Variants in PLXNA2 observed in about 807,000 individuals in gnomAD.
The protein encoded by PLXNA2 is plexin A2.
In PLXNA2, 91 loss-of-function variants were observed where a neutral mutation model predicts 193.5. The observed-to-expected ratio is 0.47, with a 90% CI of 0.40 to 0.56. The LOEUF is 0.56. Among genes scored for constraint, PLXNA2 ranks in the 20% least tolerant of loss-of-function variants. The pLI is 0.00. For synonymous variants in PLXNA2, 997 were observed against 1,027.3 expected (o/e 0.97, Z 0.56); for missense variants, 1,995 against 2,503.2 (o/e 0.80, Z 4.33).
intron 12 of PLXNA2, among the ~76,000 whole-genome samples, chr1:208,075,473 TTCA>T (rs1034664614): frequency 6.6e-6 from 1 of 152,202 alleles, no homozygotes; most frequent in Non-Finnish European, 1.5e-5. Flanking sequence ...TTTGTTTACT[TTCA>T]TCAATTGGTT....
intron 4 of PLXNA2, among the ~76,000 whole-genome samples, chr1:208,123,640 A>G (rs1667874523): frequency 6.6e-6 from 1 of 152,234 alleles, no homozygotes; most frequent in African/African-American, 2.4e-5. Flanking sequence ...CTCCAAAGTG[A>G]CAATTCCCAG....
chr1:208,040,008 A>T lies in PLXNA2; in HGVS notation c.4337T>A (p.Leu1446Gln). The T allele has an allele frequency of 2.5e-6, 4 of 1,614,132 alleles. No homozygotes were observed. Among genetic ancestry groups the T allele is most frequent in the Non-Finnish European group, 3.4e-6 (4 of 1,179,986 alleles). Residue 1446 changes from leucine to glutamine, a missense_variant, in exon 23 of 32, where the codon CTG becomes CAG. Leu to Gln is a moderately radical substitution (Grantham distance 113, BLOSUM62 -2). Coordinates refer to ENST00000367033, the MANE Select transcript of PLXNA2 (RefSeq NM_025179.4). ...CTTTCTCACCTTTAGGAACTTGTGC[A>T]GGAGGAAGGCGAACCAATTGGTCAG... ...KMLTNWFAFL[L>Q]HKFLKECAGE...
intron 29 of PLXNA2, chr1:208,031,032 T>C (rs918006361): frequency 3.0e-6 from 3 of 988,344 alleles, no homozygotes; most frequent in Non-Finnish European, 3.6e-6. Flanking sequence ...GGATAATCAC[T>C]TGGCCTTAAG....
At chr1:208,230,718 A>T (rs1445846037) in intron 1 of PLXNA2, among the ~76,000 whole-genome samples, 1 of 152,198 alleles carries the variant, frequency 6.6e-6, no homozygotes, top group African/African-American at 2.4e-5. Context: ...ACTCCTTTTC[A>T]GGAGGAAGCT....
At chr1:208,223,922 T>C (rs971774459) in intron 1 of PLXNA2, among the ~76,000 whole-genome samples, 6 of 152,190 alleles carry the variant, frequency 3.9e-5, no homozygotes, top group Non-Finnish European at 7.3e-5. Flanking sequence ...TTGGTCCCAA[T>C]GATCTCAGAA....
At chr1:208,174,543 C>A (rs1472593317) in intron 3 of PLXNA2, among the ~76,000 whole-genome samples, 1 of 151,966 alleles carries the variant, frequency 6.6e-6, no homozygotes, top group Non-Finnish European at 1.5e-5. Flanking sequence ...GGGAAGAAGA[C>A]AAACTGAGGG....
At chr1:208,042,596 T>G (rs1558160837) in intron 21 of PLXNA2, among the ~76,000 whole-genome samples, 1 of 152,210 alleles carries the variant, frequency 6.6e-6, no homozygotes, top group East Asian at 1.9e-4. Flanking sequence ...CTGGGCTCCA[T>G]GCGGAGCTCT....
At chr1:208,103,113 T>C (rs756564354) in intron 5 of PLXNA2, 34 bp downstream of exon 5, 2 of 1,500,268 alleles carry the variant, frequency 1.3e-6, no homozygotes, top group African/African-American at 1.4e-5. Flanking sequence ...GTCTTCTGCA[T>C]GCCAAACCCT....
rs557135105 is a variant in PLXNA2 at position 208,028,293 on chromosome 1, T to A, written c.5439-134A>T. ...CTCCCTATTTCTCTTCTGATGTGGC[T>A]TCCTCTGGCCTCTTGCTTCATGCTG... is the stretch of plus-strand genomic sequence containing the variant. On this transcript the variant is annotated intron_variant, in intron 30 of 31. Transcript: ENST00000367033. The surrounding 1 kb of genome is among the most constrained non-coding windows in gnomAD (Gnocchi z 4.2). 4.1e-5 allele frequency: 31 copies of A among 758,888 alleles called. No individual in the cohort carries two copies. The East Asian group carries it at 7.8e-4, about 19-fold the overall frequency. 47.0% of individuals were successfully genotyped at this position (758,888 alleles called of 1,614,324 possible). A position where few individuals can be genotyped will look rare whatever the true frequency, so the allele number is the denominator to read the frequency against.
intron 3 of PLXNA2, among the ~76,000 whole-genome samples, chr1:208,186,712 TA>T (rs71930120): frequency 3.9e-4 from 39 of 98,828 alleles, no homozygotes; most frequent in East Asian, 1.5e-3. Flanking sequence ...AATGTTATTT[TA>T]TTTTTTTTTT....
At chr1:208,220,420 T>C (rs1386978321) in intron 1 of PLXNA2, among the ~76,000 whole-genome samples, 1 of 151,898 alleles carries the variant, frequency 6.6e-6, no homozygotes, top group Non-Finnish European at 1.5e-5. Context: ...GCACTTAACT[T>C]ATGTTAGTTT....
chr1:208,037,745 T>C (rs1209968349), intron 26 of PLXNA2, among the ~76,000 whole-genome samples: 2 of 144,374 alleles, frequency 1.4e-5, no homozygotes, highest in Non-Finnish European at 3.1e-5. Context: ...TTTTTTTTTT[T>C]GACTGCTCAT....
chr1:208,076,705 A>G (rs1666160462), intron 12 of PLXNA2, among the ~76,000 whole-genome samples: 1 of 152,266 alleles, frequency 6.6e-6, no homozygotes, highest in Non-Finnish European at 1.5e-5. Flanking sequence ...AAGACTGAGG[A>G]TTAAAAGACT....
intron 29 of PLXNA2, chr1:208,031,327 A>G (rs1031415228): frequency 4.6e-6 from 6 of 1,296,278 alleles, no homozygotes; most frequent in Non-Finnish European, 5.9e-6. Context: ...TTCTTGGGGT[A>G]CTGGTCACAA....
chr1:208,121,309 T>C (rs919067640), intron 4 of PLXNA2, among the ~76,000 whole-genome samples: 2 of 152,166 alleles, frequency 1.3e-5, no homozygotes, highest in Non-Finnish European at 2.9e-5. Flanking sequence ...GAAGGTCAGA[T>C]GTGAGGCGAA....
rs1441036282 is a variant in PLXNA2, at chr1:208,069,189, C to T, written c.2587-8352G>A. Among the ~76,000 whole-genome samples the T allele has an allele frequency of 5.9e-5, 9 of 152,136 alleles. No homozygotes were observed. In the South Asian group the frequency reaches 1.2e-3, roughly 21 times the overall value. Reference sequence around the variant, plus strand: ...CATGCCTAGGTCATAGCACATATGACGATGGCAGGGGACTAAGTAGCAGAT... The same window carrying T: ...CATGCCTAGGTCATAGCACATATGATGATGGCAGGGGACTAAGTAGCAGAT... On this transcript the variant is annotated intron_variant, in intron 12 of 31. Transcript: ENST00000367033.
At chr1:208,138,438 C>T (rs548031010) in intron 4 of PLXNA2, among the ~76,000 whole-genome samples, 15 of 152,310 alleles carry the variant, frequency 9.8e-5, no homozygotes, top group Admixed American at 9.1e-4. Context: ...TATTTCCAAC[C>T]TACAATGGCT....
chr1:208,096,987 C>T (rs1186029317), intron 6 of PLXNA2, 104 bp from the exon 7 acceptor site: 1 of 972,668 alleles, frequency 1.0e-6, no homozygotes, highest in Non-Finnish European at 1.5e-6. Context: ...CTCCCCTGAC[C>T]TCATCTATAA....
chr1:208,152,143 A>C (rs1383630945), intron 3 of PLXNA2, among the ~76,000 whole-genome samples: 1 of 152,198 alleles, frequency 6.6e-6, no homozygotes, highest in Non-Finnish European at 1.5e-5. Flanking sequence ...TTTCATTAAC[A>C]CTGAGGATGG....
Sources: allele counts gnomAD v4.1 joint callset (sites outside exome capture counted in the v4.1 genomes callset), GRCh38; gene constraint gnomAD v4.1.1; non-coding constraint Gnocchi (gnomAD v3.1); transcripts MANE v1.5; gene names NCBI Gene and HGNC (gene_info 2026-07-23, HGNC 2026-07-21).